Variants in CFAP58 observed in about 807,000 individuals in gnomAD.
The protein encoded by CFAP58 is cilia- and flagella-associated protein 58.
CFAP58 carries 88 observed loss-of-function variants against 119.5 expected under a neutral mutation model. The ratio of observed to expected loss-of-function variants is 0.74; its 90% CI spans 0.62 to 0.88. CFAP58 has a LOEUF of 0.88. CFAP58 is among the 40% of genes least tolerant of loss of function. The pLI is 0.00. For synonymous variants in CFAP58, 365 were observed against 366.3 expected, an observed-to-expected ratio of 1.00 and a Z score of 0.04; for missense variants, 990 against 1,021.2, an observed-to-expected ratio of 0.97 and a Z score of 0.42.
At chr10:104,437,105 C>T (rs1589935804) in intron 15 of CFAP58, among the ~76,000 whole-genome samples, 1 of 152,146 alleles carries the variant, frequency 6.6e-6, no homozygotes, top group African/African-American at 2.4e-5. Context: ...TTTATTTGGG[C>T]AAGTCACTGA....
rs748829763 is a variant in CFAP58, at chr10:104,368,410, C to G, written c.793-13C>G. On this transcript the variant is annotated splice_polypyrimidine_tract_variant and intron_variant, in intron 5 of 17. Coordinates refer to ENST00000369704, the MANE Select transcript of CFAP58 (RefSeq NM_001008723.2). ...ATTAAAAAGCATTAACCAGCTCATT[C>G]CATCCCTTTCAGATATTGAATGAGA... The G allele has an allele frequency of 4.3e-6, 7 of 1,613,170 alleles. 1 individual carries two copies. The South Asian group carries it at 5.5e-5, about 13-fold the overall frequency.
chr10:104,354,118 C>T (rs560802605), intron 1 of CFAP58, among the ~76,000 whole-genome samples: 22 of 152,234 alleles, frequency 1.4e-4, no homozygotes, highest in Non-Finnish European at 2.4e-4. Context: ...CCACTATCCC[C>T]ACTGTGGCAT....
intron 15 of CFAP58, among the ~76,000 whole-genome samples, chr10:104,418,989 A>G (rs1163337377): frequency 1.3e-5 from 2 of 152,176 alleles, no homozygotes; most frequent in East Asian, 3.9e-4. Context: ...GCGAGGGGGA[A>G]AATAGCTTCT....
rs77813577 is a variant in CFAP58, at chr10:104,380,197, C to G, written c.1342C>G (p.Gln448Glu). 5 of 1,613,608 alleles carry G rather than the reference C, an allele frequency of 3.1e-6. No homozygotes were observed. In the South Asian group the frequency reaches 4.4e-5, roughly 14 times the overall value. ...AAAGGAGCGTGACCGGTACATCAAC[C>G]AAGCCAGTGACCTTACGCAAAAGGT... The part of the protein sequence containing the change: ...LEKERDRYIN[Q>E]ASDLTQKVLM... The change falls in exon 9 of 18, where the codon CAA (glutamine) becomes GAA (glutamate). Residue 448 changes from glutamine to glutamate, a missense_variant. Coordinates refer to ENST00000369704, the MANE Select transcript of CFAP58 (RefSeq NM_001008723.2).
chr10:104,347,701 A>G, the CFAP58 span, among the ~76,000 whole-genome samples: 4 of 152,106 alleles, frequency 2.6e-5, no homozygotes, highest in African/African-American at 9.7e-5. Flanking sequence ...TTTATTTCTG[A>G]TATATACAAA....
intron 15 of CFAP58, among the ~76,000 whole-genome samples, chr10:104,440,556 T>C (rs1428979996): frequency 1.3e-5 from 2 of 152,230 alleles, no homozygotes; most frequent in Non-Finnish European, 2.9e-5. Flanking sequence ...AGGCAAAATG[T>C]AATCAGAAAA....
intron 15 of CFAP58, among the ~76,000 whole-genome samples, chr10:104,426,360 G>A (rs972785378): frequency 6.6e-6 from 1 of 152,082 alleles, no homozygotes; most frequent in Non-Finnish European, 1.5e-5. Flanking sequence ...ATAACTCCAA[G>A]TTTGACAAAA....
the CFAP58 span, among the ~76,000 whole-genome samples, chr10:104,347,602 T>C: frequency 6.6e-6 from 1 of 152,112 alleles, no homozygotes; most frequent in East Asian, 1.9e-4. Context: ...AAATGTAGTT[T>C]TTAGATTCCA....
intron 14 of CFAP58, among the ~76,000 whole-genome samples, chr10:104,405,605 T>A (rs991278422): frequency 2.0e-5 from 3 of 152,248 alleles, no homozygotes; most frequent in African/African-American, 7.2e-5. Context: ...GTTTGAATTG[T>A]ACACAACTAG....
At chr10:104,416,741 A>G (rs2012560524) in intron 15 of CFAP58, among the ~76,000 whole-genome samples, 1 of 152,206 alleles carries the variant, frequency 6.6e-6, no homozygotes, top group South Asian at 2.1e-4. Context: ...AGAGCACACC[A>G]GTCCCCTTTA....
Position 104,406,695 on chromosome 10 carries a change from G to T in CFAP58, c.2158G>T (p.Asp720Tyr). 1 of 1,614,036 alleles carries T rather than the reference G, an allele frequency of 6.2e-7. No homozygotes were observed. The highest frequency in any genetic ancestry group is 8.5e-7 in the Non-Finnish European group (1 of 1,179,936). Residue 720 changes from aspartate (D) to tyrosine (Y), a missense_variant, in exon 15 of 18, where the codon GAC becomes TAC. Transcript: ENST00000369704. ...VHRWRKLEAS[D>Y]PNAYELIQKI... ...TGTTGTTCCCCTTGGACAGGCCAGC[G>T]ACCCCAATGCATATGAGCTGATACA...
intron 15 of CFAP58, among the ~76,000 whole-genome samples, chr10:104,419,735 T>C (rs537214110): frequency 3.9e-5 from 6 of 152,316 alleles, no homozygotes; most frequent in African/African-American, 1.4e-4. Context: ...GGGATAATCA[T>C]GCCTATCTCC....
chr10:104,423,868 A>G (rs921955729), intron 15 of CFAP58, among the ~76,000 whole-genome samples: 5 of 152,226 alleles, frequency 3.3e-5, no homozygotes, highest in African/African-American at 1.2e-4. Context: ...TGTTTTACCC[A>G]GAAATATCTT....
chr10:104,393,472 G>A lies in CFAP58; in HGVS notation c.1671G>A (p.Leu557=). Reference sequence around the variant, plus strand: ...GAATAGAAAAGGAAAAGGAAACATTGAAGGTACTGACCTCATAGTAAAAGC... The same window carrying A: ...GAATAGAAAAGGAAAAGGAAACATTAAAGGTACTGACCTCATAGTAAAAGC... ...QQRIEKEKET[L]KAELQKLRQQ... Residue 557 remains leucine, a synonymous_variant, in exon 11 of 18, where the codon TTG becomes TTA. Coordinates refer to ENST00000369704, the MANE Select transcript of CFAP58 (RefSeq NM_001008723.2). 1.2e-6 allele frequency: 2 copies of A among 1,613,458 alleles called. No homozygotes were observed. Among genetic ancestry groups the A allele is most frequent in the South Asian group, 1.1e-5 (1 of 90,968 alleles).
At chr10:104,406,461 A>G (rs2012360523) in intron 14 of CFAP58, among the ~76,000 whole-genome samples, 1 of 152,256 alleles carries the variant, frequency 6.6e-6, no homozygotes, top group Admixed American at 6.5e-5. Context: ...TATTCATAGA[A>G]TAACTAATGC....
rs182867945 is a variant in CFAP58, at chr10:104,415,486, G to C, written c.2256+8693G>C. Among the ~76,000 whole-genome samples, 214 of 152,266 alleles carry C rather than the reference G, an allele frequency of 1.4e-3. 1 individual carries two copies. The highest frequency in any genetic ancestry group is 4.9e-3 in the African/African-American group (205 of 41,540). ...TGGGGACATTGAGCTGCTTCCAAAG[G>C]CAGACTGAGGGGGATCCCTGGCCTG... is the stretch of plus-strand genomic sequence containing the variant. On this transcript the variant is annotated intron_variant, in intron 15 of 17. Coordinates refer to ENST00000369704, the MANE Select transcript of CFAP58 (RefSeq NM_001008723.2).
At chr10:104,397,833 A>T (rs917162611) in intron 11 of CFAP58, among the ~76,000 whole-genome samples, 4 of 152,160 alleles carry the variant, frequency 2.6e-5, no homozygotes, top group African/African-American at 9.7e-5. Context: ...TCTCAAAGGC[A>T]TATTCTTCTT....
At chr10:104,350,238 A>T (rs1447654965), upstream of CFAP58, among the ~76,000 whole-genome samples, 1 of 152,232 alleles carries the variant, frequency 6.6e-6, no homozygotes, top group African/African-American at 2.4e-5. Flanking sequence ...AATTAAGTGG[A>T]TATAATGAGA....
intron 6 of CFAP58, among the ~76,000 whole-genome samples, chr10:104,369,516 A>G (rs1485828819): frequency 1.3e-5 from 2 of 152,210 alleles, no homozygotes; most frequent in Admixed American, 6.5e-5. Context: ...AAAAACTTTT[A>G]AAACAGCCCA....
Sources: allele counts gnomAD v4.1 joint callset (sites outside exome capture counted in the v4.1 genomes callset), GRCh38; gene constraint gnomAD v4.1.1; transcripts MANE v1.5; gene names NCBI Gene and HGNC (gene_info 2026-07-23, HGNC 2026-07-21).